NXPE4: variants seen among roughly 807,000 people sequenced by gnomAD.
NXPE4 encodes the protein neurexophilin and PC-esterase domain family member 4.
Under a neutral mutation model 33.3 loss-of-function variants are expected in NXPE4, and 42 were observed. The observed-to-expected ratio is 1.26, with a 90% confidence interval of 0.98 to 1.63. The LOEUF is 1.63. Among genes scored for constraint, NXPE4 ranks in the 40% most tolerant of loss-of-function variants. The pLI is 0.00. For synonymous variants in NXPE4, 253 were observed against 234.9 expected (o/e 1.08, Z -0.71); for missense variants, 709 against 647.6 (o/e 1.09, Z -1.03).
the NXPE4 span, among the ~76,000 whole-genome samples, chr11:114,650,126 A>C: frequency 8.5e-5 from 13 of 152,224 alleles, no homozygotes; most frequent in African/African-American, 2.9e-4. Flanking sequence ...ATACATCATA[A>C]AGCTCAAGTA....
the NXPE4 span, among the ~76,000 whole-genome samples, chr11:114,612,212 A>C: frequency 2.0e-5 from 3 of 151,872 alleles, no homozygotes; most frequent in Non-Finnish European, 4.4e-5. Context: ...GTGGAGAATA[A>C]GTGTTGCCTC....
At chr11:114,634,605 T>C in the NXPE4 span, among the ~76,000 whole-genome samples, 1 of 152,054 alleles carries the variant, frequency 6.6e-6, no homozygotes, top group Non-Finnish European at 1.5e-5. Context: ...AGGTCTAACA[T>C]TTAAGTCTTT....
the NXPE4 span, among the ~76,000 whole-genome samples, chr11:114,641,945 A>T: frequency 6.6e-6 from 1 of 152,238 alleles, no homozygotes; most frequent in Middle Eastern, 3.4e-3. Context: ...AAAGTTTGAC[A>T]CAGAGGACAT....
chr11:114,636,207 G>A, the NXPE4 span, among the ~76,000 whole-genome samples: 37 of 152,062 alleles, frequency 2.4e-4, no homozygotes, highest in East Asian at 5.6e-3. Flanking sequence ...TGTATGTGTC[G>A]AGGAATTTAT....
intron 5 of NXPE4, among the ~76,000 whole-genome samples, chr11:114,574,942 A>G (rs2135187476): frequency 6.6e-6 from 1 of 152,244 alleles, no homozygotes; most frequent in South Asian, 2.1e-4. Flanking sequence ...TAAAATCCTC[A>G]CCAAAATACT....
intron 4 of NXPE4, among the ~76,000 whole-genome samples, chr11:114,580,947 G>A (rs77102289): frequency 8.8e-4 from 134 of 152,280 alleles, no homozygotes; most frequent in Non-Finnish European, 1.6e-3. Flanking sequence ...TGAGGAGCCC[G>A]TGGCAGGTTT....
chr11:114,577,058 C>CGTAT (rs1565329256), intron 5 of NXPE4, among the ~76,000 whole-genome samples: 2 of 29,930 alleles, frequency 6.7e-5, no homozygotes, highest in East Asian at 1.5e-3. Flanking sequence ...TATATATATA[C>CGTAT]ATATATATAT....
chr11:114,582,715 C>T lies in NXPE4; in HGVS notation c.403G>A (p.Gly135Arg), dbSNP rs184273600. The change falls in exon 3 of 6, where the codon GGG (glycine) becomes AGG (arginine). Residue 135 changes from glycine (G) to arginine (R), a missense_variant. Physicochemically the swap from Gly to Arg is moderately radical, Grantham distance 125. Coordinates refer to ENST00000375478, the MANE Select transcript of NXPE4 (RefSeq NM_001077639.2). ...DHLGRRKQYG[G>R]DFLRARMSSP... The stretch of plus-strand genomic sequence containing the variant: ...GACATCCTGGCCCTCAGGAAATCCC[C>T]GCCATATTGCTTCCTGCGTCCCAAG... 202 of 1,614,130 alleles carry T rather than the reference C, an allele frequency of 1.3e-4. 4 individuals are homozygous for T. Among genetic ancestry groups the T allele is most frequent in the Middle Eastern group, 9.9e-4 (6 of 6,060 alleles).
At chr11:114,573,017 A>G in intron 5 of NXPE4, among the ~76,000 whole-genome samples, 1 of 152,226 alleles carries the variant, frequency 6.6e-6, no homozygotes, top group East Asian at 1.9e-4. Flanking sequence ...CTGATTTCTC[A>G]GCAGAAACCC....
the NXPE4 span, among the ~76,000 whole-genome samples, chr11:114,620,521 T>C: frequency 6.6e-6 from 1 of 151,646 alleles, no homozygotes; most frequent in Non-Finnish European, 1.5e-5. Context: ...GTAACCACTT[T>C]AAGGCGGTAG....
chr11:114,619,691 G>A, the NXPE4 span, among the ~76,000 whole-genome samples: 2 of 151,998 alleles, frequency 1.3e-5, no homozygotes, highest in Non-Finnish European at 2.9e-5. Context: ...GTTTCCCAGT[G>A]GATAATAAGT....
chr11:114,672,773 AT>A, the NXPE4 span, among the ~76,000 whole-genome samples: 1 of 152,064 alleles, frequency 6.6e-6, no homozygotes, highest in East Asian at 1.9e-4. Context: ...ACTGAGAAAA[AT>A]ATAAGCATTT....
chr11:114,630,027 C>T, the NXPE4 span, among the ~76,000 whole-genome samples: 1 of 150,944 alleles, frequency 6.6e-6, no homozygotes, highest in Non-Finnish European at 1.5e-5. Context: ...AAAGAGGATA[C>T]AAACAAATGG....
chr11:114,657,300 T>G, the NXPE4 span, among the ~76,000 whole-genome samples: 1 of 152,178 alleles, frequency 6.6e-6, no homozygotes, highest in South Asian at 2.1e-4. Flanking sequence ...TTGGGAGATC[T>G]CGATATAGAA....
rs573837301 is a variant in NXPE4, at chr11:114,582,281, T to C, written c.830+7A>G. The C allele has an allele frequency of 9.0e-6, 14 of 1,553,666 alleles. No homozygotes were observed. The South Asian group carries it at 1.8e-4, about 19-fold the overall frequency. On this transcript the variant is annotated splice_region_variant and intron_variant, in intron 3 of 5. Transcript: ENST00000375478. ...CACAGGTAGTCTCAAGAAGTAATTA[T>C]TTTTACCTTTCAAAGAGGCTCTTTT...
At chr11:114,596,201 T>C (rs1949570576), upstream of NXPE4, among the ~76,000 whole-genome samples, 1 of 152,186 alleles carries the variant, frequency 6.6e-6, no homozygotes, top group Admixed American at 6.5e-5. Context: ...CTAAAAGAAC[T>C]TCAAATATAA....
the NXPE4 span, among the ~76,000 whole-genome samples, chr11:114,620,611 G>A: frequency 9.2e-5 from 14 of 151,742 alleles, no homozygotes; most frequent in South Asian, 4.2e-4. Flanking sequence ...ACTGTTACGC[G>A]GTGGATAATA....
At chr11:114,676,218 C>T in the NXPE4 span, among the ~76,000 whole-genome samples, 1 of 151,618 alleles carries the variant, frequency 6.6e-6, no homozygotes, top group African/African-American at 2.4e-5. Context: ...GATATGACTC[C>T]AAAAGCACAG....
At chr11:114,612,885 G>T in the NXPE4 span, among the ~76,000 whole-genome samples, 1 of 151,988 alleles carries the variant, frequency 6.6e-6, no homozygotes, top group Non-Finnish European at 1.5e-5. Context: ...AATAAGTGTT[G>T]CCTCACGGGT....
Sources: allele counts gnomAD v4.1 joint callset (sites outside exome capture counted in the v4.1 genomes callset), GRCh38; gene constraint gnomAD v4.1.1; transcripts MANE v1.5; gene names NCBI Gene and HGNC (gene_info 2026-07-23, HGNC 2026-07-21).